SPPL2A: variants seen among roughly 807,000 people sequenced by gnomAD.
The protein encoded by SPPL2A is signal peptide peptidase like 2A.
In SPPL2A, 51 loss-of-function variants were observed where a neutral mutation model predicts 63.8. The ratio of observed to expected loss-of-function variants is 0.80; its 90% CI spans 0.64 to 1.01. SPPL2A has a LOEUF of 1.01. SPPL2A is among the 50% of genes least tolerant of loss of function. The pLI, the probability that SPPL2A is intolerant of heterozygous loss-of-function variation, is 0.00. For synonymous variants in SPPL2A, 188 were observed against 205.8 expected, an observed-to-expected ratio of 0.91 and a Z score of 0.74; for missense variants, 553 against 622.7, an observed-to-expected ratio of 0.89 and a Z score of 1.19.
chr15:50,759,115 CCTGGCCTCAAACTT>C (rs1164560677), intron 1 of SPPL2A, among the ~76,000 whole-genome samples: 16 of 152,024 alleles, frequency 1.1e-4, no homozygotes, highest in African/African-American at 3.6e-4. Context: ...TACTGCGCAG[CCTGGCCTCAAACTT>C]CTGGCCTCAA....
At chr15:50,725,171 T>A (rs2062676069) in intron 12 of SPPL2A, 50 bp downstream of exon 12, 1 of 1,102,974 alleles carries the variant, frequency 9.1e-7, no homozygotes, top group South Asian at 1.3e-5. Context: ...TATGACGATT[T>A]AAAATCATCA....
chr15:50,746,554 G>A (rs1479666109), intron 5 of SPPL2A, among the ~76,000 whole-genome samples: 1 of 150,016 alleles, frequency 6.7e-6, no homozygotes, highest in Non-Finnish European at 1.5e-5. Flanking sequence ...ATATTTTACT[G>A]TTCCCTTACA....
intron 14 of SPPL2A, among the ~76,000 whole-genome samples, chr15:50,717,300 G>A (rs2062605894): frequency 6.6e-6 from 1 of 151,960 alleles, no homozygotes; most frequent in Non-Finnish European, 1.5e-5. Context: ...TCAGGCTCCC[G>A]AGCAGCTAGG....
chr15:50,714,946 C>T (rs533022800), intron 14 of SPPL2A, among the ~76,000 whole-genome samples: 74 of 151,910 alleles, frequency 4.9e-4, no homozygotes, highest in Middle Eastern at 6.8e-3. Context: ...CGCCACCCCT[C>T]CCCGCCCAAA....
chr15:50,760,710 TG>T (rs2063002867), intron 1 of SPPL2A, among the ~76,000 whole-genome samples: 1 of 151,942 alleles, frequency 6.6e-6, no homozygotes, highest in Admixed American at 6.6e-5. Flanking sequence ...GTGGGGCTGT[TG>T]GGGGTGTGGG....
chr15:50,705,318 T>A lies in SPPL2A; in HGVS notation c.*2482A>T, dbSNP rs1341974218. The A allele has an allele frequency of 6.8e-6, 1 of 147,306 alleles. No individual in the cohort carries two copies. Among genetic ancestry groups the A allele is most frequent in the Non-Finnish European group, 1.5e-5 (1 of 67,384 alleles). The allele number at this position is 147,306 out of a possible 1,614,324, so 9.1% of individuals were successfully genotyped here. A position where few individuals can be genotyped will look rare whatever the true frequency, so the allele number is the denominator to read the frequency against. ...TCTTGCTACTGCACTCCAGCCTGGGTGACAGAGGGAGACTCCATTTCCAAA... is the reference window on the plus strand; with the variant it reads ...TCTTGCTACTGCACTCCAGCCTGGGAGACAGAGGGAGACTCCATTTCCAAA... On this transcript the variant is annotated 3_prime_UTR_variant, in exon 15 of 15. Transcript: ENST00000261854.
intron 8 of SPPL2A, 80 bp from the exon 9 acceptor site, chr15:50,732,764 T>C (rs2141036347): frequency 8.8e-6 from 7 of 796,158 alleles, no homozygotes; most frequent in Middle Eastern, 2.3e-4. Flanking sequence ...ACTGAGGTAA[T>C]ATCATTTAAT....
intron 1 of SPPL2A, among the ~76,000 whole-genome samples, chr15:50,755,192 CCTATAGTCCCAG>C: frequency 6.6e-6 from 1 of 151,826 alleles, no homozygotes; most frequent in Non-Finnish European, 1.5e-5. Flanking sequence ...GTGGCACGTG[CCTATAGTCCCAG>C]CTACTCGGAA....
In SPPL2A at chr15:50,725,301, G is replaced by C. The variant is rs758551759; in HGVS notation, c.1169C>G (p.Pro390Arg). ...CATTACTGAGAAATAGATCAGTTTT[G>C]GTACTCTGATGACTACTGGCAACTG... ...NEKLPVVIRV[P>R]KLIYFSVMSV... is the part of the protein sequence containing the mutation. The change falls in exon 12 of 15, where the codon CCA (proline) becomes CGA (arginine). Residue 390 changes from proline (P) to arginine (R), a missense_variant. Pro to Arg is a moderately radical substitution (Grantham distance 103). Coordinates refer to ENST00000261854, the MANE Select transcript of SPPL2A (RefSeq NM_032802.4). 1.9e-6 allele frequency: 3 copies of C among 1,600,854 alleles called. No homozygotes were observed. The East Asian group carries it at 6.7e-5, about 36-fold the overall frequency.
chr15:50,735,561 ACACACAT>A (rs1325795948), intron 8 of SPPL2A, among the ~76,000 whole-genome samples: 2 of 151,764 alleles, frequency 1.3e-5, no homozygotes. Flanking sequence ...ACACACACAC[ACACACAT>A]ATTTTTTTGA....
chr15:50,753,320 G>A (rs762586166), intron 1 of SPPL2A, among the ~76,000 whole-genome samples: 10 of 152,184 alleles, frequency 6.6e-5, no homozygotes, highest in Admixed American at 4.6e-4. Flanking sequence ...AGAACATGCA[G>A]CAAATTTTGT....
intron 12 of SPPL2A, among the ~76,000 whole-genome samples, chr15:50,723,495 T>TG (rs397976857): frequency 7.9e-5 from 12 of 152,074 alleles, no homozygotes; most frequent in Middle Eastern, 3.4e-3. Flanking sequence ...TGTTTTTTTT[T>TG]GAGACAGAGT....
In SPPL2A at chr15:50,702,678, T is replaced by C. The variant is rs1019095504; in HGVS notation, c.*5122A>G. 1.3e-5 allele frequency: 2 copies of C among 152,200 alleles called. No individual in the cohort carries two copies. 9.4% of individuals were successfully genotyped at this position (152,200 alleles called of 1,614,324 possible). Reference sequence around the variant, plus strand: ...ATATTCCAAAGGAATAGAAAAGCTGTTTGCAATACTTTTTATGCCTAATCA... The same window carrying C: ...ATATTCCAAAGGAATAGAAAAGCTGCTTGCAATACTTTTTATGCCTAATCA... On this transcript the variant is annotated 3_prime_UTR_variant, in exon 15 of 15. Coordinates refer to ENST00000261854, the MANE Select transcript of SPPL2A (RefSeq NM_032802.4).
At chr15:50,734,738 T>C (rs935297421) in intron 8 of SPPL2A, among the ~76,000 whole-genome samples, 3 of 152,220 alleles carry the variant, frequency 2.0e-5, no homozygotes, top group Non-Finnish European at 4.4e-5. Flanking sequence ...ACTATTACTC[T>C]GATGTGATCA....
chr15:50,755,627 C>CAAAAA (rs148415568), intron 1 of SPPL2A, among the ~76,000 whole-genome samples: 24 of 49,536 alleles, frequency 4.8e-4, no homozygotes, highest in East Asian at 4.7e-3. Context: ...CACCCTGTCT[C>CAAAAA]AAAAAAAAAA....
chr15:50,722,829 C>T (rs1180760885), intron 12 of SPPL2A, among the ~76,000 whole-genome samples: 1 of 152,226 alleles, frequency 6.6e-6, no homozygotes, highest in Admixed American at 6.5e-5. Flanking sequence ...AACTAAAAAG[C>T]TTCTGCACAG....
chr15:50,765,401 G>C (rs1304851071), intron 1 of SPPL2A, 67 bp downstream of exon 1: 4 of 1,297,944 alleles, frequency 3.1e-6, no homozygotes, highest in Non-Finnish European at 4.1e-6. Flanking sequence ...TAGGGGAAGG[G>C]AGCCCCGGCC....
chr15:50,743,712 C>T (rs2062838536), intron 5 of SPPL2A, among the ~76,000 whole-genome samples: 1 of 151,890 alleles, frequency 6.6e-6, no homozygotes, highest in South Asian at 2.1e-4. Flanking sequence ...AAGCACTATT[C>T]TAGAGAAGAA....
At chr15:50,741,091 T>C (rs1377899671) in intron 5 of SPPL2A, among the ~76,000 whole-genome samples, 1 of 152,138 alleles carries the variant, frequency 6.6e-6, no homozygotes, top group Non-Finnish European at 1.5e-5. Flanking sequence ...GAGCTAATAA[T>C]AGAGACAGAA....
Sources: gnomAD v4.1 joint callset for allele counts (sites outside exome capture counted in the v4.1 genomes callset) on GRCh38, gnomAD v4.1.1 for gene constraint, MANE v1.5 for transcripts, NCBI Gene and HGNC (gene_info 2026-07-23, HGNC 2026-07-21) for gene names.